ITGA9: variants seen among roughly 807,000 people sequenced by gnomAD.
ITGA9 encodes integrin subunit alpha 9.
In ITGA9, 56 loss-of-function variants were observed where a neutral mutation model predicts 127.8. The observed-to-expected ratio is 0.44, with a 90% CI of 0.35 to 0.55. The LOEUF (loss-of-function observed/expected upper bound fraction) is 0.55. Among genes scored for constraint, ITGA9 ranks in the 20% least tolerant of loss-of-function variants. The probability of loss-of-function intolerance (pLI) is 0.00; values close to 1 mark genes in which losing one functional copy is unlikely to be tolerated. For synonymous variants in ITGA9, 508 were observed against 514.5 expected (o/e 0.99, Z 0.17); for missense variants, 1,196 against 1,347.1 (o/e 0.89, Z 1.76).
At chr3:37,668,799 T>C (rs1430185467) in intron 17 of ITGA9, among the ~76,000 whole-genome samples, 1 of 152,260 alleles carries the variant, frequency 6.6e-6, no homozygotes, top group African/African-American at 2.4e-5. Context: ...AAGGCTGCCC[T>C]GTGGCTCTTC....
chr3:37,538,037 C>T (rs1699227419), intron 14 of ITGA9, among the ~76,000 whole-genome samples: 1 of 152,096 alleles, frequency 6.6e-6, no homozygotes, highest in Non-Finnish European at 1.5e-5. Context: ...AGGCTGAAGC[C>T]TAAACTTGCT....
chr3:37,591,443 T>G (rs1006415078), intron 15 of ITGA9, among the ~76,000 whole-genome samples: 6 of 152,340 alleles, frequency 3.9e-5, no homozygotes, highest in Admixed American at 3.9e-4. Flanking sequence ...CCCCCCTGGC[T>G]GTATATTCAA....
At position 37,818,951 on chromosome 3, in the gene ITGA9, A is replaced by G; in HGVS notation, c.3070A>G (p.Asn1024Asp). ...IIEAEKNRKENEDSWDWVQKN... is the reference protein window; with the variant it reads ...IIEAEKNRKEDEDSWDWVQKN... ...CGAAGCTGAGAAGAACCGGAAAGAG[A>G]ATGAAGACAGTTGGGACTGGGTCCA... The change falls in exon 28 of 28, where the codon AAT becomes GAT. Residue 1024 changes from asparagine (N) to aspartate (D), a missense_variant. By Grantham distance (23) the Asn-to-Asp change is conservative. Coordinates refer to ENST00000264741, the MANE Select transcript of ITGA9 (RefSeq NM_002207.3). 1 of 1,614,156 alleles carries G rather than the reference A, an allele frequency of 6.2e-7. No homozygotes were observed. Among genetic ancestry groups the G allele is most frequent in the Non-Finnish European group, 8.5e-7 (1 of 1,179,990 alleles).
chr3:37,693,769 T>C (rs1157106852), intron 18 of ITGA9, among the ~76,000 whole-genome samples: 1 of 152,236 alleles, frequency 6.6e-6, no homozygotes, highest in Non-Finnish European at 1.5e-5. Context: ...AGAATGGTTC[T>C]TAGGCAGAAG....
intron 18 of ITGA9, among the ~76,000 whole-genome samples, chr3:37,711,243 G>A (rs1412745867): frequency 1.3e-5 from 2 of 152,120 alleles, no homozygotes; most frequent in Non-Finnish European, 2.9e-5. Flanking sequence ...TTGGCAGGGG[G>A]GCCTCAGTTC....
chr3:37,509,125 T>G (rs1170251687), intron 8 of ITGA9, among the ~76,000 whole-genome samples: 1 of 152,202 alleles, frequency 6.6e-6, no homozygotes, highest in Admixed American at 6.5e-5. Context: ...ACAGGTTGCC[T>G]GATTCCTCTT....
At chr3:37,700,787 T>C (rs1700938082) in intron 18 of ITGA9, among the ~76,000 whole-genome samples, 2 of 152,358 alleles carry the variant, frequency 1.3e-5, no homozygotes, top group South Asian at 2.1e-4. Context: ...TATCTATCTT[T>C]CTCTGTACTT....
At position 37,731,085 on chromosome 3, in the gene ITGA9, G is replaced by A. The variant is rs140603300; in HGVS notation, c.2068-1627G>A. The stretch of plus-strand genomic sequence containing the variant: ...CAGCAGCTACCAAACATCATTATCC[G>A]GCAGAATCACTAATTTTATCACTCA... On this transcript the variant is annotated intron_variant, in intron 18 of 27. Transcript: ENST00000264741. Among the ~76,000 whole-genome samples the A allele has an allele frequency of 1.2e-3, 186 of 152,268 alleles. 2 individuals carry two copies. The highest frequency in any genetic ancestry group is 3.8e-3 in the African/African-American group (158 of 41,544).
At chr3:37,531,319 A>G (rs1459326307) in intron 13 of ITGA9, among the ~76,000 whole-genome samples, 1 of 152,176 alleles carries the variant, frequency 6.6e-6, no homozygotes, top group Non-Finnish European at 1.5e-5. Context: ...GAGGCCTCTG[A>G]AAGATTTCTG....
chr3:37,762,675 T>C (rs1696736597), intron 23 of ITGA9, among the ~76,000 whole-genome samples: 1 of 152,228 alleles, frequency 6.6e-6, no homozygotes, highest in Non-Finnish European at 1.5e-5. Context: ...GCCACTTCTG[T>C]CTGCTGGCCC....
At chr3:37,758,195 C>T (rs1379117726) in intron 23 of ITGA9, among the ~76,000 whole-genome samples, 1 of 149,232 alleles carries the variant, frequency 6.7e-6, no homozygotes, top group East Asian at 1.9e-4. Flanking sequence ...CGGTGGCGGG[C>T]GCCTGTAGTC....
At chr3:37,722,245 A>G (rs535980631) in intron 18 of ITGA9, among the ~76,000 whole-genome samples, 30 of 152,242 alleles carry the variant, frequency 2.0e-4, no homozygotes, top group Non-Finnish European at 1.3e-4. Context: ...TATACCAGGT[A>G]TAATGCTGTT....
chr3:37,548,493 G>A (rs576857280), intron 15 of ITGA9, among the ~76,000 whole-genome samples: 31 of 152,226 alleles, frequency 2.0e-4, no homozygotes, highest in African/African-American at 5.3e-4. Context: ...AAAAAGTTTC[G>A]TGGAGATTGT....
intron 21 of ITGA9, among the ~76,000 whole-genome samples, chr3:37,742,222 G>A (rs1696446246): frequency 1.3e-5 from 2 of 152,216 alleles, no homozygotes; most frequent in Non-Finnish European, 2.9e-5. Context: ...ATCACCAGAT[G>A]TGTCTCCAGT....
chr3:37,694,465 T>C (rs1241711681), intron 18 of ITGA9, among the ~76,000 whole-genome samples: 1 of 152,230 alleles, frequency 6.6e-6, no homozygotes, highest in Non-Finnish European at 1.5e-5. Context: ...GAAACGCAGA[T>C]GTCCATTTCA....
chr3:37,463,578 C>T (rs772388403), intron 1 of ITGA9, among the ~76,000 whole-genome samples: 1 of 152,202 alleles, frequency 6.6e-6, no homozygotes, highest in Non-Finnish European at 1.5e-5. Context: ...AGCCTAAGCT[C>T]AGAAGTCAAA....
At chr3:37,791,602 G>A (rs1305521182) in intron 26 of ITGA9, among the ~76,000 whole-genome samples, 5 of 152,174 alleles carry the variant, frequency 3.3e-5, no homozygotes, top group African/African-American at 9.7e-5. Context: ...GTGCTCTGGA[G>A]TCAGGCAGAA....
At position 37,625,335 on chromosome 3, in the gene ITGA9, G is replaced by A. The variant is rs535115044; in HGVS notation, c.1690-3852G>A. On this transcript the variant is annotated intron_variant, in intron 15 of 27. Coordinates refer to ENST00000264741, the MANE Select transcript of ITGA9 (RefSeq NM_002207.3). ...GGTCTTTCATCTCTGTTTCCCTGTG[G>A]CCCAGCACATTGCCTGGCATAAAGT... Among the ~76,000 whole-genome samples, 4 of 152,288 alleles carry A rather than the reference G, an allele frequency of 2.6e-5. No individual in the cohort carries two copies. In the East Asian group the frequency reaches 7.7e-4, roughly 29 times the overall value.
At chr3:37,645,325 T>C (rs1268266374) in intron 16 of ITGA9, among the ~76,000 whole-genome samples, 1 of 152,062 alleles carries the variant, frequency 6.6e-6, no homozygotes, top group Non-Finnish European at 1.5e-5. Context: ...TCCCAGCAGT[T>C]TGGGAGGCTG....
Sources: allele counts gnomAD v4.1 joint callset (sites outside exome capture counted in the v4.1 genomes callset), GRCh38; gene constraint gnomAD v4.1.1; transcripts MANE v1.5; gene names NCBI Gene and HGNC (gene_info 2026-07-23, HGNC 2026-07-21).